The following PCDHGA2 variants were observed in gnomAD, a reference collection of about 807,000 sequenced individuals.
PCDHGA2 encodes the protein protocadherin gamma subfamily A, 2, also known as protocadherin gamma-A2.
PCDHGA2 carries 40 observed loss-of-function variants against 59.2 expected under a neutral mutation model. That is an observed-to-expected ratio of 0.68 (90% CI 0.52 to 0.88). The LOEUF is 0.88. Among genes scored for constraint, PCDHGA2 ranks in the 40% least tolerant of loss-of-function variants. PCDHGA2 has a pLI of 0.00. For missense variants in PCDHGA2, 1,226 were observed against 1,204.0 expected, an observed-to-expected ratio of 1.02 and a Z score of -0.27; for synonymous variants, 560 against 526.0, an observed-to-expected ratio of 1.06 and a Z score of -0.89.
At chr5:141,508,830 C>G (rs1320903059) in intron 3 of PCDHGA2, among the ~76,000 whole-genome samples, 2 of 152,150 alleles carry the variant, frequency 1.3e-5, no homozygotes, top group Non-Finnish European at 2.9e-5. Flanking sequence ...CTGGGCCCCC[C>G]TCCCCTACCC....
rs551729279 is a variant in PCDHGA2 at position 141,347,618 on chromosome 5, C to A, written c.2424+6223C>A. Among the ~76,000 whole-genome samples the A allele has an allele frequency of 6.6e-5, 10 of 152,116 alleles. No individual in the cohort carries two copies. In the South Asian group the frequency reaches 2.1e-3, roughly 32 times the overall value. The stretch of plus-strand genomic sequence containing the variant: ...CCTGGCCAACATGGTGAAAGCCTGT[C>A]TCTACTAAAAATACAAAAATTAGCT... On this transcript the variant is annotated intron_variant, in intron 1 of 3. Coordinates refer to ENST00000394576, the MANE Select transcript of PCDHGA2 (RefSeq NM_018915.4).
intron 1 of PCDHGA2, chr5:141,361,181 T>C: frequency 6.2e-7 from 1 of 1,613,970 alleles, no homozygotes. Flanking sequence ...GAAGTTATTG[T>C]GACTTCAGTA....
intron 1 of PCDHGA2, chr5:141,389,929 T>A: frequency 6.2e-7 from 1 of 1,614,012 alleles, no homozygotes; most frequent in Non-Finnish European, 8.5e-7. Context: ...CCCTCTGACC[T>A]CCAGGCTGAG....
intron 1 of PCDHGA2, chr5:141,408,616 A>C (rs1242634693): frequency 6.2e-7 from 1 of 1,614,052 alleles, no homozygotes. Flanking sequence ...AAAAGGAAAT[A>C]CATTTAGAAA....
rs1219045744 is a variant in PCDHGA2 at position 141,476,783 on chromosome 5, G to T, written c.2425-18024G>T. The stretch of plus-strand genomic sequence containing the variant: ...GACGGCGTTGGACGGAGGGACCCCA[G>T]CTCTCTCCGCCAGCCTGCCTATTCA... On this transcript the variant is annotated intron_variant, in intron 1 of 3. Transcript: ENST00000394576. The surrounding 1 kb of genome is among the most constrained non-coding windows in gnomAD (Gnocchi z 7.6). 5 of 1,613,392 alleles carry T rather than the reference G, an allele frequency of 3.1e-6. No homozygotes were observed. The highest frequency in any genetic ancestry group is 2.7e-5 in the African/African-American group (2 of 74,930).
At position 141,431,645 on chromosome 5, in the gene PCDHGA2, T is replaced by G. The variant is rs2097404203; in HGVS notation, c.2425-63162T>G. ...GGCGGCCCAAGTTTTCAAACTAGAT[T>G]GTAATTCAGGGACAATATCAACAAT... On this transcript the variant is annotated intron_variant, in intron 1 of 3. Coordinates refer to ENST00000394576, the MANE Select transcript of PCDHGA2 (RefSeq NM_018915.4). This position sits in a 1 kb window ranked among gnomAD's most constrained non-coding sequence, Gnocchi z 4.8. The G allele has an allele frequency of 2.5e-6, 4 of 1,614,236 alleles. No homozygotes were observed. Among genetic ancestry groups the G allele is most frequent in the Non-Finnish European group, 3.4e-6 (4 of 1,180,044 alleles).
intron 3 of PCDHGA2, among the ~76,000 whole-genome samples, 188 bp from the exon 4 acceptor site, chr5:141,510,759 G>A (rs1026623444): frequency 6.6e-5 from 10 of 152,172 alleles, no homozygotes; most frequent in African/African-American, 2.4e-4. Context: ...TCTCACTCCA[G>A]AGCCTCTTAA....
chr5:141,436,700 C>T (rs2097841356), intron 1 of PCDHGA2, among the ~76,000 whole-genome samples: 1 of 152,166 alleles, frequency 6.6e-6, no homozygotes, highest in Non-Finnish European at 1.5e-5. Flanking sequence ...AATGCCAGCA[C>T]ACTCGATGTT....
chr5:141,405,418 T>C (rs2094662415), intron 1 of PCDHGA2: 1 of 1,508,444 alleles, frequency 6.6e-7, no homozygotes, highest in South Asian at 1.2e-5. Context: ...TTTTTTTGTT[T>C]TTTGTTTTGT....
At chr5:141,351,596 C>A (rs773771390) in intron 1 of PCDHGA2, 2 of 1,614,088 alleles carry the variant, frequency 1.2e-6, no homozygotes, top group Non-Finnish European at 1.7e-6. Flanking sequence ...CGACAATGCA[C>A]CTGTTTTCCA....
chr5:141,361,294 T>C, intron 1 of PCDHGA2: 1 of 1,613,920 alleles, frequency 6.2e-7, no homozygotes, highest in South Asian at 1.1e-5. Context: ...CTGCCAAGTG[T>C]TGGGAAATGC....
In PCDHGA2 at chr5:141,355,403, C is replaced by T. The variant is rs762232178; in HGVS notation, c.2424+14008C>T. 8 of 1,613,938 alleles carry T rather than the reference C, an allele frequency of 5.0e-6. No individual in the cohort carries two copies. The highest frequency in any genetic ancestry group is 6.8e-6 in the Non-Finnish European group (8 of 1,179,932). On this transcript the variant is annotated intron_variant, in intron 1 of 3. Transcript: ENST00000394576. ...GCGGAGCGCGGAGTCCGCATCGTCT[C>T]CAGAGGTAGGACGCAGCTTTTCGCC... is the stretch of plus-strand genomic sequence containing the variant.
chr5:141,349,429 A>G (rs1156795847), intron 1 of PCDHGA2, among the ~76,000 whole-genome samples: 1 of 152,182 alleles, frequency 6.6e-6, no homozygotes, highest in Admixed American at 6.5e-5. Flanking sequence ...TGTACATTAT[A>G]TGAGATTCCA....
intron 1 of PCDHGA2, among the ~76,000 whole-genome samples, chr5:141,482,057 C>A (rs2099551189): frequency 6.7e-6 from 1 of 149,978 alleles, no homozygotes; most frequent in Non-Finnish European, 1.5e-5. Flanking sequence ...TGCATTCCAG[C>A]CTGGGCAACA....
intron 1 of PCDHGA2, chr5:141,390,525 G>C: frequency 1.8e-6 from 1 of 552,024 alleles, no homozygotes; most frequent in Non-Finnish European, 3.2e-6. Context: ...CAATGAGGGT[G>C]TGGTTTTAAC....
In PCDHGA2 at chr5:141,372,328, C is replaced by A. The variant is rs1170186099; in HGVS notation, c.2424+30933C>A. ...GCCGCCCGCCAGCGCCTGCTGGTCA[C>A]TGTGCGTGATGGAGGACAGCAGCCT... On this transcript the variant is annotated intron_variant, in intron 1 of 3. Coordinates refer to ENST00000394576, the MANE Select transcript of PCDHGA2 (RefSeq NM_018915.4). 4 of 1,613,626 alleles carry A rather than the reference C, an allele frequency of 2.5e-6. No homozygotes were observed. In the South Asian group the frequency reaches 4.4e-5, roughly 18 times the overall value.
chr5:141,365,823 G>A lies in PCDHGA2; in HGVS notation c.2424+24428G>A, dbSNP rs778220021. The stretch of plus-strand genomic sequence containing the variant: ...TCCCTGGCTGAAGACACATTTCAGG[G>A]GGCGCCCTTGTCCTCCTATGTATCC... On this transcript the variant is annotated intron_variant, in intron 1 of 3. Coordinates refer to ENST00000394576, the MANE Select transcript of PCDHGA2 (RefSeq NM_018915.4). 8.7e-6 allele frequency: 14 copies of A among 1,613,794 alleles called. No individual in the cohort carries two copies. The South Asian group carries it at 1.2e-4, about 14-fold the overall frequency.
chr5:141,403,532 C>A (rs1313886103), intron 1 of PCDHGA2: 1 of 1,613,892 alleles, frequency 6.2e-7, no homozygotes, highest in Non-Finnish European at 8.5e-7. Context: ...AAACCCAGAG[C>A]TGGTGCTGGA....
intron 1 of PCDHGA2, chr5:141,392,842 G>A: frequency 6.2e-7 from 1 of 1,609,312 alleles, no homozygotes. Flanking sequence ...CGCCCCAGAC[G>A]CGGCGAGCTG....
Sources: allele counts gnomAD v4.1 joint callset (sites outside exome capture counted in the v4.1 genomes callset), GRCh38; gene constraint gnomAD v4.1.1; non-coding constraint Gnocchi (gnomAD v3.1); transcripts MANE v1.5; gene names NCBI Gene and HGNC (gene_info 2026-07-23, HGNC 2026-07-21).